The following PEBP4 variants were observed in gnomAD, a reference collection of about 807,000 sequenced individuals.
The protein encoded by PEBP4 is phosphatidylethanolamine-binding protein 4.
A neutral mutation model predicts 23.9 loss-of-function variants in PEBP4; 22 were observed. The ratio of observed to expected loss-of-function variants is 0.92; its 90% CI spans 0.66 to 1.31. PEBP4 has a LOEUF of 1.31. Among genes scored for constraint, PEBP4 ranks in the 40% most tolerant of loss-of-function variants. The probability of loss-of-function intolerance (pLI) is 0.00; values close to 1 mark genes in which losing one functional copy is unlikely to be tolerated. For synonymous variants in PEBP4, 112 were observed against 99.3 expected (o/e 1.13, Z -0.76); for missense variants, 324 against 281.7 (o/e 1.15, Z -1.07).
chr8:22,844,115 A>G (rs1367277520), intron 3 of PEBP4, among the ~76,000 whole-genome samples: 2 of 152,240 alleles, frequency 1.3e-5, no homozygotes, highest in African/African-American at 2.4e-5. Flanking sequence ...GAAATTTTCT[A>G]AAGATGCTTC....
chr8:22,801,402 C>T (rs1368211762), intron 4 of PEBP4, among the ~76,000 whole-genome samples: 33 of 152,158 alleles, frequency 2.2e-4, no homozygotes, highest in Admixed American at 2.2e-3. Context: ...TACCACTGCA[C>T]CACACTGCCT....
chr8:22,845,250 C>T lies in PEBP4; in HGVS notation c.259-27515G>A, dbSNP rs138365218. ...TTAGGGAGGAAAGTAAATCCATCATCAGACCAGACGCAGTGGCTCACGCCT... is the reference window on the plus strand; with the variant it reads ...TTAGGGAGGAAAGTAAATCCATCATTAGACCAGACGCAGTGGCTCACGCCT... On this transcript the variant is annotated intron_variant, in intron 3 of 6. Coordinates refer to ENST00000256404, the MANE Select transcript of PEBP4 (RefSeq NM_144962.3). 2.1e-3 allele frequency among the ~76,000 whole-genome samples: 316 copies of T among 152,084 alleles called. 1 individual carries two copies. Among genetic ancestry groups the T allele is most frequent in the Non-Finnish European group, 3.8e-3 (257 of 67,988 alleles).
rs1805793238 is a variant in PEBP4 at position 22,775,289 on chromosome 8, G to C, written c.357+42348C>G. Among the ~76,000 whole-genome samples, 1 of 152,230 alleles carries C rather than the reference G, an allele frequency of 6.6e-6. No individual in the cohort carries two copies. Among genetic ancestry groups the C allele is most frequent in the African/African-American group, 2.4e-5 (1 of 41,464 alleles). ...CCCGGAAGCCCCAAGCATCTGGCAA[G>C]GAGGGTTCCTGAGGTGGGCAATGGG... On this transcript the variant is annotated intron_variant, in intron 4 of 6. Coordinates refer to ENST00000256404, the MANE Select transcript of PEBP4 (RefSeq NM_144962.3). The surrounding 1 kb of genome is among the most constrained non-coding windows in gnomAD (Gnocchi z 4.8).
At chr8:22,914,302 G>C (rs1386909508) in intron 3 of PEBP4, among the ~76,000 whole-genome samples, 1 of 151,992 alleles carries the variant, frequency 6.6e-6, no homozygotes, top group Admixed American at 6.6e-5. Context: ...TTTTTTTGTA[G>C]AGATGGGGTC....
chr8:22,860,208 A>ATATATATGTG (rs1807746420), intron 3 of PEBP4, among the ~76,000 whole-genome samples: 1 of 140,654 alleles, frequency 7.1e-6, no homozygotes, highest in African/African-American at 2.8e-5. Context: ...ATATATATAC[A>ATATATATGTG]CATATATGTA....
At chr8:22,773,195 T>G (rs958333828) in intron 4 of PEBP4, among the ~76,000 whole-genome samples, 2 of 152,238 alleles carry the variant, frequency 1.3e-5, no homozygotes, top group Non-Finnish European at 2.9e-5. Flanking sequence ...TCTGGCTGTT[T>G]GAATTAGTAT....
At chr8:22,849,041 C>A (rs1439531930) in intron 3 of PEBP4, among the ~76,000 whole-genome samples, 2 of 152,234 alleles carry the variant, frequency 1.3e-5, no homozygotes, top group Non-Finnish European at 2.9e-5. Flanking sequence ...AACCCCCAGC[C>A]TCTGTCCCCT....
intron 2 of PEBP4, chr8:22,924,529 G>T: frequency 2.5e-6 from 1 of 401,186 alleles, no homozygotes; most frequent in Non-Finnish European, 3.4e-6. Context: ...AACTAGACTA[G>T]TTTGTGCACC....
intron 3 of PEBP4, among the ~76,000 whole-genome samples, chr8:22,882,333 T>C (rs1311690484): frequency 6.6e-6 from 1 of 152,184 alleles, no homozygotes; most frequent in East Asian, 1.9e-4. Context: ...ACCCAGACAG[T>C]GCTGGCCACA....
At chr8:22,742,505 G>C (rs1056787619) in intron 4 of PEBP4, among the ~76,000 whole-genome samples, 1 of 152,204 alleles carries the variant, frequency 6.6e-6, no homozygotes, top group African/African-American at 2.4e-5. Context: ...GCTGGACTTT[G>C]TCACTGGGTG....
chr8:22,760,668 C>G (rs1236847325), intron 4 of PEBP4, among the ~76,000 whole-genome samples: 1 of 152,208 alleles, frequency 6.6e-6, no homozygotes, highest in African/African-American at 2.4e-5. Context: ...GGGCCTGTAC[C>G]ATGCCATTTT....
At chr8:22,776,240 T>C (rs1341311124) in intron 4 of PEBP4, among the ~76,000 whole-genome samples, 2 of 152,184 alleles carry the variant, frequency 1.3e-5, no homozygotes, top group Non-Finnish European at 2.9e-5. Context: ...GGTGCATGGG[T>C]CTCCAGAAGC....
At chr8:22,792,367 C>T (rs75238062) in intron 4 of PEBP4, among the ~76,000 whole-genome samples, 372 of 152,180 alleles carry the variant, frequency 2.4e-3, no homozygotes, top group Middle Eastern at 0.01. Context: ...GAACACTTCC[C>T]GGTGCTTCTA....
rs1453970804 is a variant in PEBP4, at chr8:22,865,423, G to A, written c.259-47688C>T. ...GGGCCTGGCTGCGCGCTCCACCTGCGCCTCCAGGGCGTTGGGCGGGGGCCG... is the reference window on the plus strand; with the variant it reads ...GGGCCTGGCTGCGCGCTCCACCTGCACCTCCAGGGCGTTGGGCGGGGGCCG... On this transcript the variant is annotated intron_variant, in intron 3 of 6. Transcript: ENST00000256404. This position sits in a 1 kb window ranked among gnomAD's most constrained non-coding sequence, Gnocchi z 6.9. Among the ~76,000 whole-genome samples the A allele has an allele frequency of 2.0e-5, 3 of 151,784 alleles. 1 individual carries two copies. Among genetic ancestry groups the A allele is most frequent in the South Asian group, 2.1e-4 (1 of 4,828 alleles).
At chr8:22,778,844 AG>A (rs1805864450) in intron 4 of PEBP4, among the ~76,000 whole-genome samples, 2 of 152,090 alleles carry the variant, frequency 1.3e-5, no homozygotes, top group Admixed American at 1.3e-4. Context: ...TTTCGGGGTA[AG>A]TAAAGTCTTC....
chr8:22,882,471 G>A (rs995998041), intron 3 of PEBP4, among the ~76,000 whole-genome samples: 3 of 152,168 alleles, frequency 2.0e-5, no homozygotes, highest in Admixed American at 6.5e-5. Flanking sequence ...AATGTACCAC[G>A]ACTTTTTGTC....
At position 22,893,233 on chromosome 8, in the gene PEBP4, T is replaced by C. The variant is rs141616067; in HGVS notation, c.258+26951A>G. 1.1e-4 allele frequency among the ~76,000 whole-genome samples: 16 copies of C among 152,306 alleles called. No individual in the cohort carries two copies. In the East Asian group the frequency reaches 3.1e-3, roughly 29 times the overall value. On this transcript the variant is annotated intron_variant, in intron 3 of 6. Transcript: ENST00000256404. ...TTCAGCAGTGGGGCAAAATTAGCCC[T>C]AGAAAAACGCTGCTCTTGTCCTATT... is the stretch of plus-strand genomic sequence containing the variant.
chr8:22,717,143 T>C (rs1024694751), intron 6 of PEBP4, among the ~76,000 whole-genome samples: 75 of 152,262 alleles, frequency 4.9e-4, no homozygotes, highest in African/African-American at 1.7e-3. Context: ...CAGGTGATCC[T>C]CTTGCCTCAG....
chr8:22,721,937 C>CA (rs915803759), intron 6 of PEBP4, among the ~76,000 whole-genome samples: 1 of 152,164 alleles, frequency 6.6e-6, no homozygotes, highest in African/African-American at 2.4e-5. Context: ...TCTGCTTTTG[C>CA]AATCGCCCCT....
Sources: allele counts gnomAD v4.1 joint callset (sites outside exome capture counted in the v4.1 genomes callset), GRCh38; gene constraint gnomAD v4.1.1; non-coding constraint Gnocchi (gnomAD v3.1); transcripts MANE v1.5; gene names NCBI Gene and HGNC (gene_info 2026-07-23, HGNC 2026-07-21).